NEFH: variants seen among roughly 807,000 people sequenced by gnomAD.
The protein encoded by NEFH is neurofilament heavy chain, also known as neurofilament heavy polypeptide.
Under a neutral mutation model 56.6 loss-of-function variants are expected in NEFH, and 58 were observed. That is an observed-to-expected ratio of 1.03 (90% CI 0.83 to 1.28). The LOEUF is 1.28. NEFH is among the 50% of genes most tolerant of loss of function. NEFH has a pLI of 0.00. For missense variants in NEFH, 1,221 were observed against 1,307.6 expected (o/e 0.93, Z 1.02); for synonymous variants, 542 against 545.8 (o/e 0.99, Z 0.10).
intron 2 of NEFH, 71 bp from the exon 3 acceptor site, chr22:29,485,652 C>G: frequency 1.3e-6 from 2 of 1,564,124 alleles, no homozygotes; most frequent in Non-Finnish European, 1.7e-6. Flanking sequence ...TCGCACAGCC[C>G]GCCGCAGCTT....
intron 3 of NEFH, 110 bp from the exon 4 acceptor site, chr22:29,488,739 C>A: frequency 1.9e-6 from 2 of 1,067,998 alleles, no homozygotes; most frequent in Non-Finnish European, 2.9e-6. Flanking sequence ...TCCTGTTCCA[C>A]CAAAACCCAT....
chr22:29,481,852 A>T (rs942095556), intron 1 of NEFH, among the ~76,000 whole-genome samples: 10 of 152,248 alleles, frequency 6.6e-5, no homozygotes, highest in African/African-American at 2.2e-4. Context: ...GCCCTGAGTC[A>T]GCTAGATTGC....
intron 2 of NEFH, among the ~76,000 whole-genome samples, chr22:29,484,921 T>C (rs2063035457): frequency 6.6e-6 from 1 of 152,028 alleles, no homozygotes. Flanking sequence ...TAAAGTCTTG[T>C]ACTTCCGGGC....
At chr22:29,487,848 G>A (rs1004959523) in intron 3 of NEFH, among the ~76,000 whole-genome samples, 8 of 152,200 alleles carry the variant, frequency 5.3e-5, no homozygotes, top group African/African-American at 7.2e-5. Context: ...ACCCTCTGAC[G>A]TAGGGACTCT....
intron 3 of NEFH, among the ~76,000 whole-genome samples, chr22:29,486,720 G>C (rs1224600547): frequency 1.3e-5 from 2 of 150,898 alleles, no homozygotes; most frequent in Admixed American, 1.3e-4. Flanking sequence ...ACTGGGTCTC[G>C]CTATGTTGGC....
Position 29,480,974 on chromosome 22 carries a change from G to A in NEFH, c.712G>A (p.Val238Met), listed in dbSNP as rs1258214346. 2.6e-6 allele frequency: 4 copies of A among 1,531,698 alleles called. No homozygotes were observed. Among genetic ancestry groups the A allele is most frequent in the Admixed American group, 2.0e-5 (1 of 50,876 alleles). The allele number at this position is 1,531,698 out of a possible 1,614,324, so 94.9% of individuals were successfully genotyped here. A position where few individuals can be genotyped will look rare whatever the true frequency, so the allele number is the denominator to read the frequency against. The change falls in exon 1 of 4, where the codon GTG becomes ATG. Residue 238 changes from valine to methionine, a missense_variant. Physicochemically the swap from Val to Met is conservative, Grantham distance 21. Around this residue, in one of 4 missense-constraint regions of NEFH, gnomAD observed 640 missense variants for 555.5 expected, o/e 1.15. Transcript: ENST00000310624. ...GYLRRHHQEEVGELLGQIQGS... is the reference protein window; with the variant it reads ...GYLRRHHQEEMGELLGQIQGS... Reference sequence around the variant, plus strand: ...CCTGCGGCGCCACCACCAGGAAGAGGTGGGCGAGCTGCTCGGCCAGATCCA... The same window carrying A: ...CCTGCGGCGCCACCACCAGGAAGAGATGGGCGAGCTGCTCGGCCAGATCCA...
chr22:29,485,468 C>T (rs112589724), intron 2 of NEFH, among the ~76,000 whole-genome samples: 1 of 152,238 alleles, frequency 6.6e-6, no homozygotes, highest in East Asian at 1.9e-4. Flanking sequence ...GCCAAACCAG[C>T]AGGAACAACT....
rs1227884789 is a variant in NEFH at position 29,480,698 on chromosome 22, T to A, written c.436T>A (p.Tyr146Asn). 1 of 1,531,098 alleles carries A rather than the reference T, an allele frequency of 6.5e-7. No individual in the cohort carries two copies. Among genetic ancestry groups the A allele is most frequent in the Non-Finnish European group, 8.7e-7 (1 of 1,146,956 alleles). The allele number at this position is 1,531,098 out of a possible 1,614,324, so 94.8% of individuals were successfully genotyped here. A position where few individuals can be genotyped will look rare whatever the true frequency, so the allele number is the denominator to read the frequency against. Residue 146 changes from tyrosine to asparagine, a missense_variant, in exon 1 of 4, where the codon TAC (tyrosine) becomes AAC (asparagine). This residue lies in a region of NEFH where 640 missense variants were observed against 555.5 expected (regional missense o/e 1.15). Coordinates refer to ENST00000310624, the MANE Select transcript of NEFH (RefSeq NM_021076.4). ...QAGRSAMGEL[Y>N]EREVREMRGA... ...GGGCCGCTCCGCTATGGGCGAGCTGTACGAGCGCGAGGTCCGCGAGATGCG... is the reference window on the plus strand; with the variant it reads ...GGGCCGCTCCGCTATGGGCGAGCTGAACGAGCGCGAGGTCCGCGAGATGCG...
rs200464796 is a variant in NEFH at position 29,488,853 on chromosome 22, C to A, written c.1213C>A (p.Leu405Ile). The A allele has an allele frequency of 5.6e-6, 9 of 1,614,210 alleles. No individual in the cohort carries two copies. Among genetic ancestry groups the A allele is most frequent in the East Asian group, 4.5e-5 (2 of 44,894 alleles). Reference protein sequence around the residue: ...LDIEIAAYRKLLEGEECRIGF... With the variant: ...LDIEIAAYRKILEGEECRIGF... ...GTTCCGTGATCCATCCTGCAGAAAA[C>A]TCCTGGAAGGTGAAGAGTGTCGGAT... The change falls in exon 4 of 4, where the codon CTC (leucine) becomes ATC (isoleucine). Residue 405 changes from leucine (L) to isoleucine (I), a missense_variant. By Grantham distance (5) the Leu-to-Ile change is conservative. Transcript: ENST00000310624.
At position 29,480,763 on chromosome 22, in the gene NEFH, AC is replaced by A. The variant is rs1349055786; in HGVS notation, c.502del (p.Arg168AlafsTer18). 6.9e-7 allele frequency: 1 copy of A among 1,446,764 alleles called. No homozygotes were observed. The allele number at this position is 1,446,764 out of a possible 1,614,324, so 89.6% of individuals were successfully genotyped here. A position where few individuals can be genotyped will look rare whatever the true frequency, so the allele number is the denominator to read the frequency against. On this transcript the variant is annotated frameshift_variant, in exon 1 of 4. Coordinates refer to ENST00000310624, the MANE Select transcript of NEFH (RefSeq NM_021076.4). LOFTEE classifies it high-confidence loss of function. ...GCCTGGGCGCGGCGCGCGGTCAGCT[AC>A]GCCTGGAGCAGGAGCACCTGCTCGA... ...LRLGAARGQL[R>X]LEQEHLLEDI... is the part of the protein sequence containing the mutation.
intron 3 of NEFH, 147 bp downstream of exon 3, chr22:29,485,994 C>G (rs1225922848): frequency 1.3e-6 from 1 of 780,578 alleles, no homozygotes; most frequent in Non-Finnish European, 2.2e-6. Context: ...ACAAAACATA[C>G]AATTTACCAT....
chr22:29,490,711 A>T lies in NEFH; in HGVS notation c.*8A>T. 6.2e-7 allele frequency: 1 copy of T among 1,614,036 alleles called. No individual in the cohort carries two copies. The highest frequency in any genetic ancestry group is 1.1e-5 in the South Asian group (1 of 91,080). On this transcript the variant is annotated 3_prime_UTR_variant, in exon 4 of 4. Transcript: ENST00000310624. ...GCCGCCAAGGGGAAGTAAGGCAGGG[A>T]GAAAGGAACATCCGGAACAGCCAAA... is the stretch of plus-strand genomic sequence containing the variant.
chr22:29,483,827 TTTTATTTATTTATTTATTTA>T (rs140814097), intron 2 of NEFH, among the ~76,000 whole-genome samples: 4 of 136,548 alleles, frequency 2.9e-5, no homozygotes, highest in South Asian at 4.7e-4. Context: ...AGAGATAGAC[TTTTATTTATTTATTTATTTA>T]TTTATTTATT....
At chr22:29,488,708 C>T (rs2063057821) in intron 3 of NEFH, 141 bp from the exon 4 acceptor site, 1 of 811,304 alleles carries the variant, frequency 1.2e-6, no homozygotes, top group African/African-American at 1.7e-5. Context: ...TCTCTAGTCT[C>T]ATAATGCCCA....
intron 1 of NEFH, 35 bp downstream of exon 1, chr22:29,481,180 C>T (rs994041161): frequency 6.6e-7 from 1 of 1,525,002 alleles, no homozygotes; most frequent in South Asian, 1.2e-5. Context: ...AGGGGCGCCC[C>T]TGCTGACCCC....
At chr22:29,488,693 G>T (rs561190188) in intron 3 of NEFH, among the ~76,000 whole-genome samples, 156 bp from the exon 4 acceptor site, 1 of 152,044 alleles carries the variant, frequency 6.6e-6, no homozygotes, top group Non-Finnish European at 1.5e-5. Context: ...TTTGCCAAGT[G>T]ACTTTCTCTA....
intron 3 of NEFH, 35 bp from the exon 4 acceptor site, chr22:29,488,814 G>C: frequency 6.2e-7 from 1 of 1,610,216 alleles, no homozygotes; most frequent in East Asian, 2.2e-5. Context: ...TTTGCCCTGA[G>C]TTTATACTAA....
At position 29,489,278 on chromosome 22, in the gene NEFH, C is replaced by T; in HGVS notation, c.1638C>T (p.Ser546=). ...CAAAATCCCCAGCCGAAGTCAAGTC[C>T]CCTGAGAAGGCCAAGTCTCCAGCAA... is the stretch of plus-strand genomic sequence containing the variant. ...EEAKSPAEVK[S]PEKAKSPAKE... is the part of the protein sequence containing the mutation. The change falls in exon 4 of 4, where the codon TCC becomes TCT. Residue 546 remains serine (S), a synonymous_variant. Transcript: ENST00000310624. The T allele has an allele frequency of 6.2e-7, 1 of 1,611,856 alleles. No homozygotes were observed. Among genetic ancestry groups the T allele is most frequent in the South Asian group, 1.1e-5 (1 of 90,894 alleles).
chr22:29,481,190 C>G, intron 1 of NEFH, 45 bp downstream of exon 1: 1 of 1,523,394 alleles, frequency 6.6e-7, no homozygotes, highest in South Asian at 1.2e-5. Context: ...CTGCTGACCC[C>G]GCAGCGAACT....
Sources: gnomAD v4.1 joint callset for allele counts (sites outside exome capture counted in the v4.1 genomes callset) on GRCh38, gnomAD v4.1.1 for gene constraint, gnomAD v4.1.1 regional missense constraint, MANE v1.5 for transcripts, NCBI Gene and HGNC (gene_info 2026-07-23, HGNC 2026-07-21) for gene names.